Variants in CNTN4 observed in about 807,000 individuals in gnomAD.
The protein encoded by CNTN4 is contactin-4.
Under a neutral mutation model 122.5 loss-of-function variants are expected in CNTN4, and 77 were observed. That is an observed-to-expected ratio of 0.63 (90% confidence interval 0.52 to 0.76). CNTN4 has a LOEUF of 0.76. Ranked by LOEUF, CNTN4 falls within the 30% of genes least tolerant of loss-of-function variation. The pLI is 0.00. For missense variants in CNTN4, 1,256 were observed against 1,259.1 expected, an observed-to-expected ratio of 1.00 and a Z score of 0.04; for synonymous variants, 512 against 447.0, an observed-to-expected ratio of 1.15 and a Z score of -1.83.
chr3:2,541,234 T>A (rs941892188), intron 3 of CNTN4, among the ~76,000 whole-genome samples: 2 of 152,158 alleles, frequency 1.3e-5, no homozygotes, highest in African/African-American at 4.8e-5. Context: ...TGGCTAATGG[T>A]TATTGGAAAT....
chr3:2,982,116 A>G (rs918638961), intron 13 of CNTN4, among the ~76,000 whole-genome samples: 6 of 152,226 alleles, frequency 3.9e-5, no homozygotes, highest in Non-Finnish European at 1.5e-5. Flanking sequence ...GCAGAAAAAT[A>G]TAGCCAAAAT....
intron 3 of CNTN4, among the ~76,000 whole-genome samples, chr3:2,460,954 T>C (rs9860735): frequency 0.48 from 72,616 of 151,538 alleles, 18,262 homozygotes; most frequent in East Asian, 0.76. Context: ...ATTCTGCTCC[T>C]TTATGGCCCC....
intron 3 of CNTN4, among the ~76,000 whole-genome samples, chr3:2,503,633 C>T (rs556430201): frequency 6.6e-6 from 1 of 152,236 alleles, no homozygotes; most frequent in Admixed American, 6.5e-5. Context: ...ACCAGGCTGT[C>T]TGACTCTAGA....
chr3:2,597,713 C>T (rs1044598197), intron 4 of CNTN4, among the ~76,000 whole-genome samples: 7 of 152,086 alleles, frequency 4.6e-5, no homozygotes, highest in Non-Finnish European at 8.8e-5. Flanking sequence ...TATAGAGATG[C>T]GCACACGTCA....
At chr3:3,046,285 A>T (rs1262459894) in intron 23 of CNTN4, among the ~76,000 whole-genome samples, 1 of 152,208 alleles carries the variant, frequency 6.6e-6, no homozygotes, top group African/African-American at 2.4e-5. Flanking sequence ...GAATGCCACA[A>T]AGATAGTCCT....
chr3:2,861,632 A>G (rs987460498), intron 7 of CNTN4, among the ~76,000 whole-genome samples: 4 of 152,170 alleles, frequency 2.6e-5, no homozygotes, highest in African/African-American at 7.2e-5. Flanking sequence ...AAAGACTACC[A>G]TTCATGTCTC....
At chr3:2,881,093 A>G (rs188214992) in intron 8 of CNTN4, among the ~76,000 whole-genome samples, 192 of 152,344 alleles carry the variant, frequency 1.3e-3, no homozygotes, top group African/African-American at 3.3e-3. Context: ...AGTTTGCACT[A>G]TTGACAACAT....
chr3:2,532,165 A>G (rs959131105), intron 3 of CNTN4, among the ~76,000 whole-genome samples: 2 of 152,194 alleles, frequency 1.3e-5, no homozygotes, highest in Non-Finnish European at 2.9e-5. Flanking sequence ...AAGATTATAC[A>G]TTTCAAGTTC....
At chr3:2,308,534 T>C (rs973477123) in intron 2 of CNTN4, among the ~76,000 whole-genome samples, 1 of 152,122 alleles carries the variant, frequency 6.6e-6, no homozygotes, top group Non-Finnish European at 1.5e-5. Flanking sequence ...GCTTTACATT[T>C]TCTTTGAAGC....
At chr3:2,146,883 G>A (rs1182083730) in intron 2 of CNTN4, among the ~76,000 whole-genome samples, 1 of 151,870 alleles carries the variant, frequency 6.6e-6, no homozygotes, top group Non-Finnish European at 1.5e-5. Context: ...TTTTGTTGTT[G>A]TTTTGTTTTG....
rs564062516 is a variant in CNTN4 at position 2,361,055 on chromosome 3, TAAAG to T, written c.-89+21823_-89+21826del. ...ATTGTTGCTTTTCTTAAGCAGTTCA[TAAAG>T]TAAGTAAGGAAGTGACTTGTATCAT... is the stretch of plus-strand genomic sequence containing the variant. On this transcript the variant is annotated intron_variant, in intron 3 of 24. Transcript: ENST00000418658. Among the ~76,000 whole-genome samples, 3 of 152,290 alleles carry T rather than the reference TAAAG, an allele frequency of 2.0e-5. No homozygotes were observed. The South Asian group carries it at 6.2e-4, about 32-fold the overall frequency.
intron 3 of CNTN4, among the ~76,000 whole-genome samples, chr3:2,397,742 T>C (rs1334591373): frequency 6.6e-6 from 1 of 152,214 alleles, no homozygotes; most frequent in Non-Finnish European, 1.5e-5. Context: ...AAATGTGTTC[T>C]GTTTCACTAA....
chr3:2,878,852 A>T (rs1310823180), intron 8 of CNTN4, among the ~76,000 whole-genome samples: 1 of 152,176 alleles, frequency 6.6e-6, no homozygotes, highest in Non-Finnish European at 1.5e-5. Context: ...ATAAATTGTG[A>T]TAAGTAACAT....
At chr3:2,844,379 T>C (rs2093419643) in intron 7 of CNTN4, among the ~76,000 whole-genome samples, 1 of 152,206 alleles carries the variant, frequency 6.6e-6, no homozygotes. Context: ...TATTGTGCAG[T>C]AGAACTCAGA....
chr3:2,245,645 C>G (rs1049975874), intron 2 of CNTN4, among the ~76,000 whole-genome samples: 4 of 151,940 alleles, frequency 2.6e-5, no homozygotes, highest in African/African-American at 9.7e-5. Context: ...GTTTTTAGAA[C>G]TCTTAGCATT....
At chr3:3,040,429 C>T in intron 20 of CNTN4, 158 bp downstream of exon 20, 1 of 674,878 alleles carries the variant, frequency 1.5e-6, no homozygotes. Context: ...CGCTGTCCAC[C>T]ATGAATCTCT....
chr3:2,683,096 A>AT (rs1202661168), intron 4 of CNTN4, among the ~76,000 whole-genome samples: 1 of 152,088 alleles, frequency 6.6e-6, no homozygotes, highest in Non-Finnish European at 1.5e-5. Flanking sequence ...CACCACCATT[A>AT]TTTTTATAGC....
At chr3:2,472,351 C>T (rs908253541) in intron 3 of CNTN4, among the ~76,000 whole-genome samples, 1 of 152,056 alleles carries the variant, frequency 6.6e-6, no homozygotes, top group African/African-American at 2.4e-5. Context: ...AGCGATTGTC[C>T]TCCTTCAGCT....
At chr3:2,611,656 A>G (rs2081495668) in intron 4 of CNTN4, among the ~76,000 whole-genome samples, 2 of 152,096 alleles carry the variant, frequency 1.3e-5, no homozygotes, top group Non-Finnish European at 2.9e-5. Flanking sequence ...TACCCAATGC[A>G]TGGATGGAAT....
Sources: allele counts gnomAD v4.1 joint callset (sites outside exome capture counted in the v4.1 genomes callset), GRCh38; gene constraint gnomAD v4.1.1; transcripts MANE v1.5; gene names NCBI Gene and HGNC (gene_info 2026-07-23, HGNC 2026-07-21).